Variants in DACH2 observed in about 807,000 individuals in gnomAD.
DACH2 encodes dachshund family transcription factor 2.
A neutral mutation model predicts 35.8 loss-of-function variants in DACH2; 17 were observed. The observed-to-expected ratio is 0.48, with a 90% CI of 0.33 to 0.71. The LOEUF is 0.71. DACH2 is among the 30% of genes least tolerant of loss of function. The probability of loss-of-function intolerance (pLI) is 0.02; values close to 1 mark genes in which losing one functional copy is unlikely to be tolerated. For missense variants in DACH2, 469 were observed against 472.7 expected (o/e 0.99, Z 0.07); for synonymous variants, 195 against 177.3 (o/e 1.10, Z -0.79).
At chrX:86,289,354 AG>A (rs1230683363) in intron 1 of DACH2, among the ~76,000 whole-genome samples, 1 of 107,166 alleles carries the variant, frequency 9.3e-6, no homozygotes, top group Non-Finnish European at 1.9e-5. Context: ...TGGTTAGGGG[AG>A]GGTTGATGTA....
At chrX:86,381,612 T>C (rs1041354125) in intron 2 of DACH2, among the ~76,000 whole-genome samples, 2 of 110,859 alleles carry the variant, frequency 1.8e-5, no homozygotes, top group Admixed American at 1.9e-4. Flanking sequence ...TAAGTTACAG[T>C]ATTAGACTAA....
At chrX:86,737,953 G>T (rs1215020708) in intron 6 of DACH2, among the ~76,000 whole-genome samples, 1 of 110,614 alleles carries the variant, frequency 9.0e-6, no homozygotes, top group East Asian at 2.9e-4. Flanking sequence ...TATTGTTAAA[G>T]GTCACTCACA....
chrX:86,743,980 A>G (rs2041684420), intron 7 of DACH2, among the ~76,000 whole-genome samples: 1 of 111,317 alleles, frequency 9.0e-6, no homozygotes, highest in African/African-American at 3.3e-5. Flanking sequence ...GGAAAGTCCC[A>G]AGCTGTACAT....
intron 4 of DACH2, 103 bp downstream of exon 4, chrX:86,651,270 G>A: frequency 1.1e-6 from 1 of 872,198 alleles, no homozygotes; most frequent in Non-Finnish European, 1.5e-6. Context: ...AGTCTACTTT[G>A]GTTATAAAGA....
At chrX:86,280,923 A>C (rs937475191) in intron 1 of DACH2, among the ~76,000 whole-genome samples, 5 of 111,745 alleles carry the variant, frequency 4.5e-5, no homozygotes, top group African/African-American at 1.6e-4. Context: ...TATATGCACC[A>C]AATACAGGAG....
intron 2 of DACH2, among the ~76,000 whole-genome samples, chrX:86,449,482 A>T (rs1170455254): frequency 9.0e-6 from 1 of 111,595 alleles, no homozygotes; most frequent in African/African-American, 3.2e-5. Context: ...TAATCAATTT[A>T]TATTCAAGGA....
intron 3 of DACH2, among the ~76,000 whole-genome samples, chrX:86,598,497 G>A: frequency 9.0e-6 from 1 of 111,383 alleles, no homozygotes; most frequent in Non-Finnish European, 1.9e-5. Context: ...ATGCTGCATA[G>A]TCTGATCCAA....
In DACH2 at chrX:86,354,759, T is replaced by G. The variant is rs1307575809; in HGVS notation, c.489-22065T>G. Reference sequence around the variant, plus strand: ...GGGTGCAGCGCACCAGCATGGCACATGTATACATATGTAACTAACCTGCAC... The same window carrying G: ...GGGTGCAGCGCACCAGCATGGCACAGGTATACATATGTAACTAACCTGCAC... On this transcript the variant is annotated intron_variant, in intron 1 of 11. Coordinates refer to ENST00000373125, the MANE Select transcript of DACH2 (RefSeq NM_053281.3). 1.5e-4 allele frequency among the ~76,000 whole-genome samples: 2 copies of G among 13,415 alleles called. 1 individual carries two copies. The highest frequency in any genetic ancestry group is 2.3e-4 in the Non-Finnish European group (2 of 8,659). 11.6% of individuals were successfully genotyped at this position (13,415 alleles called of 115,157 possible).
At chrX:86,348,870 C>A (rs1411434163) in intron 1 of DACH2, among the ~76,000 whole-genome samples, 1 of 112,365 alleles carries the variant, frequency 8.9e-6, no homozygotes, top group East Asian at 2.8e-4. Flanking sequence ...TGCTCATAAC[C>A]CCTAGGGGGA....
At chrX:86,266,093 A>C (rs1291425572) in intron 1 of DACH2, among the ~76,000 whole-genome samples, 2 of 111,334 alleles carry the variant, frequency 1.8e-5, no homozygotes, top group East Asian at 5.7e-4. Context: ...AATTTAGAGA[A>C]AAAACAGTGG....
At chrX:86,422,838 T>A (rs2036827979) in intron 2 of DACH2, among the ~76,000 whole-genome samples, 1 of 111,270 alleles carries the variant, frequency 9.0e-6, no homozygotes, top group Admixed American at 9.6e-5. Context: ...TTCCAGCCTC[T>A]GGTAATCATC....
At chrX:86,423,347 G>A (rs2036837415) in intron 2 of DACH2, among the ~76,000 whole-genome samples, 1 of 110,361 alleles carries the variant, frequency 9.1e-6, no homozygotes, top group South Asian at 3.8e-4. Flanking sequence ...CCTGTCTTTT[G>A]GATATAAGCC....
chrX:86,719,944 T>TC (rs1310970609), intron 6 of DACH2, among the ~76,000 whole-genome samples: 26 of 86,610 alleles, frequency 3.0e-4, no homozygotes, highest in East Asian at 1.4e-3. Context: ...TTTTTTTTTC[T>TC]TTTTTTTTTT....
chrX:86,794,597 T>C (rs2042217531), intron 7 of DACH2, among the ~76,000 whole-genome samples: 1 of 111,266 alleles, frequency 9.0e-6, no homozygotes, highest in Non-Finnish European at 1.9e-5. Flanking sequence ...AACCCCTATA[T>C]GCTTCAAAGG....
intron 1 of DACH2, among the ~76,000 whole-genome samples, chrX:86,337,013 G>T (rs1441428820): frequency 9.2e-6 from 1 of 108,920 alleles, no homozygotes; most frequent in East Asian, 3.0e-4. Context: ...AAAGTGAGAA[G>T]ACAAGATTAG....
intron 7 of DACH2, among the ~76,000 whole-genome samples, chrX:86,744,650 A>G (rs2041692287): frequency 8.9e-6 from 1 of 111,816 alleles, no homozygotes; most frequent in Non-Finnish European, 1.9e-5. Context: ...GGATGACATT[A>G]TAATACATGT....
chrX:86,583,553 T>A (rs772630676), intron 3 of DACH2, among the ~76,000 whole-genome samples: 58 of 110,735 alleles, frequency 5.2e-4, no homozygotes, highest in East Asian at 2.8e-3. Context: ...TAAATTTTTT[T>A]AATTTTATTA....
At chrX:86,380,953 C>T (rs975887834) in intron 2 of DACH2, among the ~76,000 whole-genome samples, 5 of 109,597 alleles carry the variant, frequency 4.6e-5, no homozygotes, top group Non-Finnish European at 5.8e-5. Context: ...TTTAATTGTC[C>T]GTTATACTAC....
chrX:86,253,744 T>G (rs1214552379), intron 1 of DACH2, among the ~76,000 whole-genome samples: 1 of 111,473 alleles, frequency 9.0e-6, no homozygotes, highest in Non-Finnish European at 1.9e-5. Context: ...ACCAGATGGA[T>G]TTTGAAAACC....
Sources: allele counts gnomAD v4.1 joint callset (sites outside exome capture counted in the v4.1 genomes callset), GRCh38; gene constraint gnomAD v4.1.1; transcripts MANE v1.5; gene names NCBI Gene and HGNC (gene_info 2026-07-23, HGNC 2026-07-21).